The following SORBS2 variants were observed in gnomAD, a reference collection of about 807,000 sequenced individuals.
SORBS2 encodes the protein sorbin and SH3 domain containing 2.
SORBS2 carries 46 observed loss-of-function variants against 97.7 expected under a neutral mutation model. The ratio of observed to expected loss-of-function variants is 0.47; its 90% CI spans 0.37 to 0.60. The LOEUF is 0.60. Ranked by LOEUF, SORBS2 falls within the 20% of genes least tolerant of loss-of-function variation. The pLI is 0.00. For synonymous variants in SORBS2, 476 were observed against 473.4 expected (o/e 1.01, Z -0.07); for missense variants, 1,316 against 1,282.3 (o/e 1.03, Z -0.40).
chr4:185,694,627 T>C (rs1268473285), intron 2 of SORBS2, among the ~76,000 whole-genome samples: 1 of 152,218 alleles, frequency 6.6e-6, no homozygotes, highest in Non-Finnish European at 1.5e-5. Context: ...GGAAGGGCTG[T>C]AAACAGCATG....
chr4:185,803,179 G>C (rs1585084692), intron 1 of SORBS2, among the ~76,000 whole-genome samples: 4 of 152,204 alleles, frequency 2.6e-5, no homozygotes, highest in Admixed American at 2.6e-4. Context: ...CACAGGCTGG[G>C]CTAAAGGCAG....
At chr4:185,764,711 C>A (rs890679160) in intron 2 of SORBS2, among the ~76,000 whole-genome samples, 6 of 152,174 alleles carry the variant, frequency 3.9e-5, no homozygotes, top group African/African-American at 1.4e-4. Flanking sequence ...TAAGAAATAG[C>A]AAATAGAGGG....
intron 1 of SORBS2, among the ~76,000 whole-genome samples, chr4:185,834,529 C>T (rs1438746591): frequency 2.6e-5 from 4 of 152,094 alleles, no homozygotes; most frequent in Admixed American, 2.6e-4. Context: ...AAATTGTTCT[C>T]AAATGAGGCA....
intron 2 of SORBS2, among the ~76,000 whole-genome samples, chr4:185,697,595 C>G (rs984387688): frequency 6.6e-6 from 1 of 152,124 alleles, no homozygotes; most frequent in East Asian, 1.9e-4. Flanking sequence ...AAGGTTTTGA[C>G]GATTAGCTTT....
chr4:185,892,326 A>G (rs934580037), intron 1 of SORBS2, among the ~76,000 whole-genome samples: 1 of 152,192 alleles, frequency 6.6e-6, no homozygotes, highest in African/African-American at 2.4e-5. Flanking sequence ...TAAGGGGCAA[A>G]GGAGAGACAT....
chr4:185,669,155 T>C (rs1440947446), intron 4 of SORBS2, among the ~76,000 whole-genome samples: 2 of 151,938 alleles, frequency 1.3e-5, no homozygotes, highest in Non-Finnish European at 2.9e-5. Flanking sequence ...CAAGGGAGGG[T>C]GAGCTTCAGC....
chr4:185,748,162 G>A (rs1490345031), intron 2 of SORBS2, among the ~76,000 whole-genome samples: 1 of 152,204 alleles, frequency 6.6e-6, no homozygotes, highest in African/African-American at 2.4e-5. Context: ...GACTTGCTTT[G>A]GAACTAGAAA....
At chr4:185,776,763 C>T (rs973453247) in intron 1 of SORBS2, among the ~76,000 whole-genome samples, 11 of 151,868 alleles carry the variant, frequency 7.2e-5, no homozygotes, top group African/African-American at 2.4e-4. Flanking sequence ...AGCAGGATGT[C>T]GTGGCACGCG....
chr4:185,782,016 C>T (rs1304926783), intron 1 of SORBS2, among the ~76,000 whole-genome samples: 1 of 152,250 alleles, frequency 6.6e-6, no homozygotes, highest in Non-Finnish European at 1.5e-5. Context: ...CCTCACATGA[C>T]TTACATTCCT....
chr4:185,619,040 A>T (rs951311956), intron 8 of SORBS2, among the ~76,000 whole-genome samples: 1 of 152,206 alleles, frequency 6.6e-6, no homozygotes, highest in Non-Finnish European at 1.5e-5. Context: ...GATGTCATAA[A>T]AGAAGTAATC....
At chr4:185,728,007 T>C (rs1425114348) in intron 2 of SORBS2, among the ~76,000 whole-genome samples, 1 of 152,218 alleles carries the variant, frequency 6.6e-6, no homozygotes, top group Non-Finnish European at 1.5e-5. Context: ...TTTCTTATAA[T>C]TGATTTTTTT....
intron 2 of SORBS2, among the ~76,000 whole-genome samples, chr4:185,729,053 T>C (rs1234262115): frequency 6.6e-6 from 1 of 152,254 alleles, no homozygotes; most frequent in Non-Finnish European, 1.5e-5. Context: ...ATCATAGATG[T>C]AATGCATTTA....
chr4:185,793,745 G>C (rs909962955), intron 1 of SORBS2, among the ~76,000 whole-genome samples: 2 of 152,086 alleles, frequency 1.3e-5, no homozygotes, highest in African/African-American at 4.8e-5. Context: ...TATGGACTGA[G>C]AGCCAGTTAT....
intron 4 of SORBS2, chr4:185,646,415 GTGTA>G (rs957743204): frequency 4.4e-5 from 14 of 319,452 alleles, no homozygotes; most frequent in South Asian, 8.2e-5. Context: ...GCATGTGTGT[GTGTA>G]TATATATATA....
chr4:185,613,902 T>A (rs2096585586), intron 11 of SORBS2, among the ~76,000 whole-genome samples: 2 of 151,816 alleles, frequency 1.3e-5, no homozygotes, highest in African/African-American at 2.4e-5. Flanking sequence ...TGGGAGAGAA[T>A]GAGACAAGGT....
chr4:185,745,828 C>T (rs1469703194), intron 2 of SORBS2, among the ~76,000 whole-genome samples: 5 of 152,184 alleles, frequency 3.3e-5, no homozygotes, highest in Admixed American at 6.5e-5. Context: ...TGACTGATCG[C>T]TGCAGTGACT....
chr4:185,852,646 T>C (rs1261835554), intron 1 of SORBS2, among the ~76,000 whole-genome samples: 1 of 152,206 alleles, frequency 6.6e-6, no homozygotes, highest in Admixed American at 6.5e-5. Context: ...GCACTTCAGA[T>C]GGAATTTGTG....
intron 4 of SORBS2, among the ~76,000 whole-genome samples, chr4:185,671,315 C>A (rs1446661835): frequency 9.2e-5 from 14 of 152,150 alleles, no homozygotes; most frequent in Admixed American, 9.2e-4. Flanking sequence ...TATGGTTTTG[C>A]ATCTGGGAAA....
rs146558418 is a variant in SORBS2, at chr4:185,681,961, C to A, written c.-197-3139G>T. 6.4e-3 allele frequency among the ~76,000 whole-genome samples: 968 copies of A among 152,172 alleles called. 11 individuals carry two copies. The highest frequency in any genetic ancestry group is 0.01 in the Non-Finnish European group (706 of 68,004). On this transcript the variant is annotated intron_variant, in intron 2 of 20. Transcript: ENST00000284776. ...TTTCTTGAAAATTATTATTTTGATG[C>A]CTATAACTCATTTCTTTAGAAGACT... is the stretch of plus-strand genomic sequence containing the variant.
Sources: allele counts gnomAD v4.1 joint callset (sites outside exome capture counted in the v4.1 genomes callset), GRCh38; gene constraint gnomAD v4.1.1; transcripts MANE v1.5; gene names NCBI Gene and HGNC (gene_info 2026-07-23, HGNC 2026-07-21).